The following DPP10 variants were observed in gnomAD, a reference collection of about 807,000 sequenced individuals.
The protein encoded by DPP10 is dipeptidyl peptidase like 10.
A neutral mutation model predicts 120.9 loss-of-function variants in DPP10; 33 were observed. The observed-to-expected ratio is 0.27, with a 90% CI of 0.21 to 0.37. DPP10 has a LOEUF of 0.37. Among genes scored for constraint, DPP10 ranks in the 10% least tolerant of loss-of-function variants. The probability of loss-of-function intolerance (pLI) is 1.00; values close to 1 mark genes in which losing one functional copy is unlikely to be tolerated. For synonymous variants in DPP10, 337 were observed against 326.1 expected, an observed-to-expected ratio of 1.03 and a Z score of -0.36; for missense variants, 816 against 942.8, an observed-to-expected ratio of 0.87 and a Z score of 1.76.
intron 1 of DPP10, among the ~76,000 whole-genome samples, chr2:115,298,721 C>A (rs1022404046): frequency 5.9e-5 from 9 of 152,038 alleles, no homozygotes; most frequent in Admixed American, 5.2e-4. Flanking sequence ...GCTGTTAGGA[C>A]TTCCCTGGCC....
intron 1 of DPP10, among the ~76,000 whole-genome samples, chr2:115,043,302 T>C (rs1300447775): frequency 2.6e-5 from 4 of 152,302 alleles, no homozygotes; most frequent in Non-Finnish European, 4.4e-5. Context: ...AAAATCAATC[T>C]CGAAAAGGTC....
At chr2:115,531,039 C>T (rs990495604) in intron 5 of DPP10, among the ~76,000 whole-genome samples, 13 of 152,038 alleles carry the variant, frequency 8.6e-5, no homozygotes, top group East Asian at 1.9e-4. Flanking sequence ...TACTTGTACA[C>T]GCTTAATCCT....
intron 1 of DPP10, among the ~76,000 whole-genome samples, chr2:114,852,565 T>C (rs114427344): frequency 6.6e-6 from 1 of 151,828 alleles, no homozygotes; most frequent in Non-Finnish European, 1.5e-5. Context: ...GTAGATTATA[T>C]GCAAATACGA....
intron 3 of DPP10, among the ~76,000 whole-genome samples, chr2:115,348,138 A>G (rs1172881353): frequency 2.0e-5 from 3 of 152,134 alleles, no homozygotes; most frequent in African/African-American, 7.2e-5. Flanking sequence ...CCAATATCTT[A>G]GTCAGTTCAA....
chr2:115,041,152 C>A (rs570111720), intron 1 of DPP10, among the ~76,000 whole-genome samples: 4 of 151,490 alleles, frequency 2.6e-5, no homozygotes, highest in Non-Finnish European at 5.9e-5. Flanking sequence ...TTCCTGAGTT[C>A]TCCCCAGCCA....
chr2:115,403,785 G>C (rs1236149336), intron 3 of DPP10, among the ~76,000 whole-genome samples: 1 of 151,968 alleles, frequency 6.6e-6, no homozygotes, highest in African/African-American at 2.4e-5. Flanking sequence ...CATACTAATA[G>C]GAGAGAAAAA....
At chr2:114,961,427 G>T (rs1014785192) in intron 1 of DPP10, among the ~76,000 whole-genome samples, 2 of 148,378 alleles carry the variant, frequency 1.3e-5, no homozygotes, top group Admixed American at 1.4e-4. Context: ...TTGTACCTTT[G>T]TGTGTGTTTG....
chr2:115,013,418 C>T (rs193291775), intron 1 of DPP10, among the ~76,000 whole-genome samples: 1 of 151,982 alleles, frequency 6.6e-6, no homozygotes, highest in Non-Finnish European at 1.5e-5. Context: ...TCTCTGGTTG[C>T]CCGTAACATT....
intron 1 of DPP10, among the ~76,000 whole-genome samples, chr2:115,158,742 T>G (rs765348143): frequency 2.7e-4 from 41 of 152,206 alleles, no homozygotes; most frequent in Non-Finnish European, 4.9e-4. Context: ...GTCCATGAAT[T>G]AGCTGATCAA....
At chr2:115,551,054 G>A (rs1459996795) in intron 5 of DPP10, among the ~76,000 whole-genome samples, 5 of 151,790 alleles carry the variant, frequency 3.3e-5, no homozygotes, top group Non-Finnish European at 4.4e-5. Flanking sequence ...GGCAATATTG[G>A]CATATGGAGA....
At chr2:115,195,131 C>T (rs769617786) in intron 1 of DPP10, among the ~76,000 whole-genome samples, 17 of 152,092 alleles carry the variant, frequency 1.1e-4, no homozygotes, top group Non-Finnish European at 1.9e-4. Context: ...GAGAGGGGCT[C>T]TGTAATTTGA....
At chr2:115,565,741 G>T (rs1208532955) in intron 5 of DPP10, among the ~76,000 whole-genome samples, 2 of 137,946 alleles carry the variant, frequency 1.4e-5, no homozygotes, top group Admixed American at 1.5e-4. Flanking sequence ...TTAGGTAGAG[G>T]TTATGGGTTT....
chr2:115,490,746 G>A (rs2076065111), intron 3 of DPP10, among the ~76,000 whole-genome samples: 1 of 152,144 alleles, frequency 6.6e-6, no homozygotes, highest in South Asian at 2.1e-4. Flanking sequence ...TATGAAAGTA[G>A]GTTATGAGAG....
In DPP10 at chr2:114,455,156, TTGTGTG is replaced by T. The variant is rs141717813; in HGVS notation, c.60+12344_60+12349del. The stretch of plus-strand genomic sequence containing the variant: ...GTTTTTTCAAGGGATTTTCTTTCTA[TTGTGTG>T]TGTGTGTGTGTGTGTGTGTGTGTGT... On this transcript the variant is annotated intron_variant, in intron 1 of 25. Transcript: ENST00000410059. 6.8e-5 allele frequency among the ~76,000 whole-genome samples: 10 copies of T among 147,390 alleles called. No individual in the cohort carries two copies. In the South Asian group the frequency reaches 1.1e-3, roughly 16 times the overall value.
chr2:114,725,043 A>G (rs540095811), intron 1 of DPP10, among the ~76,000 whole-genome samples: 1 of 152,292 alleles, frequency 6.6e-6, no homozygotes, highest in South Asian at 2.1e-4. Context: ...TCTGTAAACC[A>G]ACAAAAATTC....
intron 5 of DPP10, among the ~76,000 whole-genome samples, chr2:115,677,603 TAA>T (rs1341204242): frequency 6.6e-6 from 1 of 151,936 alleles, no homozygotes; most frequent in Non-Finnish European, 1.5e-5. Context: ...CAAATGGAAA[TAA>T]AAAGTGAGCA....
intron 1 of DPP10, among the ~76,000 whole-genome samples, chr2:115,294,085 T>C: frequency 6.6e-6 from 1 of 152,116 alleles, no homozygotes; most frequent in East Asian, 1.9e-4. Context: ...GATCTAGTCT[T>C]GTGAAAGAGA....
At chr2:114,673,900 T>C (rs933425989) in intron 1 of DPP10, among the ~76,000 whole-genome samples, 3 of 152,176 alleles carry the variant, frequency 2.0e-5, no homozygotes, top group African/African-American at 7.2e-5. Flanking sequence ...AACTTATGGA[T>C]ACTCGAACCT....
intron 3 of DPP10, among the ~76,000 whole-genome samples, chr2:115,493,551 G>T (rs1476528372): frequency 1.3e-5 from 2 of 151,174 alleles, no homozygotes; most frequent in Non-Finnish European, 2.9e-5. Flanking sequence ...AGTTTGGAAG[G>T]ATGCCTTTGT....
Sources: allele counts gnomAD v4.1 joint callset (sites outside exome capture counted in the v4.1 genomes callset), GRCh38; gene constraint gnomAD v4.1.1; transcripts MANE v1.5; gene names NCBI Gene and HGNC (gene_info 2026-07-23, HGNC 2026-07-21).